The following CLDN10 variants were observed in gnomAD, a reference collection of about 807,000 sequenced individuals.
CLDN10 encodes the protein claudin 10.
In CLDN10, 15 loss-of-function variants were observed where a neutral mutation model predicts 22.9. The ratio of observed to expected loss-of-function variants is 0.65; its 90% confidence interval spans 0.44 to 1.01. The LOEUF (loss-of-function observed/expected upper bound fraction) is 1.01. Among genes scored for constraint, CLDN10 ranks in the 50% least tolerant of loss-of-function variants. CLDN10 has a pLI of 0.00. For missense variants in CLDN10, 247 were observed against 287.8 expected (o/e 0.86, Z 1.03); for synonymous variants, 114 against 111.4 (o/e 1.02, Z -0.15).
intron 1 of CLDN10, among the ~76,000 whole-genome samples, chr13:95,463,630 G>A (rs1334033510): frequency 1.3e-5 from 2 of 151,768 alleles, no homozygotes; most frequent in African/African-American, 4.8e-5. Flanking sequence ...ACTGAGCCTG[G>A]CCTTAACTAT....
chr13:95,447,996 C>T (rs542903990), intron 1 of CLDN10, among the ~76,000 whole-genome samples: 3 of 152,248 alleles, frequency 2.0e-5, no homozygotes, highest in South Asian at 2.1e-4. Flanking sequence ...CCTGTGCCTG[C>T]GGCGAGAGGT....
chr13:95,497,709 A>G (rs1386857817), intron 1 of CLDN10, among the ~76,000 whole-genome samples: 4 of 152,218 alleles, frequency 2.6e-5, no homozygotes, highest in African/African-American at 9.6e-5. Context: ...CAGGCAAAGG[A>G]TTAGGGCCAG....
At chr13:95,537,356 G>A (rs947017452) in intron 1 of CLDN10, among the ~76,000 whole-genome samples, 5 of 152,100 alleles carry the variant, frequency 3.3e-5, no homozygotes, top group African/African-American at 1.2e-4. Flanking sequence ...CAGTATGCAC[G>A]GCTCTTCTTG....
intron 1 of CLDN10, among the ~76,000 whole-genome samples, chr13:95,555,638 A>C (rs1043566269): frequency 6.6e-6 from 1 of 152,156 alleles, no homozygotes; most frequent in Non-Finnish European, 1.5e-5. Context: ...TTTTTTGATG[A>C]CTTTCCTTCT....
chr13:95,524,984 T>A (rs1171416773), intron 1 of CLDN10, among the ~76,000 whole-genome samples: 1 of 151,738 alleles, frequency 6.6e-6, no homozygotes, highest in Non-Finnish European at 1.5e-5. Flanking sequence ...CTCGGCCTCC[T>A]GAGTAGCTGG....
chr13:95,486,794 C>T (rs1451041962), intron 1 of CLDN10, among the ~76,000 whole-genome samples: 1 of 152,238 alleles, frequency 6.6e-6, no homozygotes, highest in Non-Finnish European at 1.5e-5. Context: ...TGTGCCTCCA[C>T]CTGGCCACGT....
chr13:95,486,779 G>T (rs1366086318), intron 1 of CLDN10, among the ~76,000 whole-genome samples: 2 of 152,120 alleles, frequency 1.3e-5, no homozygotes, highest in Non-Finnish European at 2.9e-5. Flanking sequence ...CCTCTCAGTT[G>T]TGCATGTGCC....
chr13:95,473,046 A>G (rs1038067751), intron 1 of CLDN10, among the ~76,000 whole-genome samples: 1 of 150,760 alleles, frequency 6.6e-6, no homozygotes, highest in Non-Finnish European at 1.5e-5. Context: ...AGGCTGAGGT[A>G]GAAGGATTGT....
At chr13:95,441,189 T>A (rs1455802134) in intron 1 of CLDN10, among the ~76,000 whole-genome samples, 1 of 152,226 alleles carries the variant, frequency 6.6e-6, no homozygotes, top group Non-Finnish European at 1.5e-5. Flanking sequence ...CACCAAGTTC[T>A]AGAAAAGGGA....
intron 1 of CLDN10, among the ~76,000 whole-genome samples, chr13:95,439,917 C>CA (rs974097719): frequency 7.8e-6 from 1 of 128,932 alleles, no homozygotes; most frequent in Non-Finnish European, 1.8e-5. Context: ...AAAATATTAA[C>CA]CCTTTTTTTT....
intron 1 of CLDN10, among the ~76,000 whole-genome samples, chr13:95,508,769 G>C (rs116200718): frequency 0.016 from 2,476 of 152,324 alleles, 66 homozygotes; most frequent in African/African-American, 0.056. Context: ...AATTAGGTAA[G>C]TAATGAAGTA....
At chr13:95,568,664 G>C (rs1246509430) in intron 3 of CLDN10, among the ~76,000 whole-genome samples, 1 of 152,062 alleles carries the variant, frequency 6.6e-6, no homozygotes, top group Non-Finnish European at 1.5e-5. Flanking sequence ...TCCTAAACAA[G>C]ACCACAAGCA....
intron 1 of CLDN10, among the ~76,000 whole-genome samples, chr13:95,534,749 G>T (rs1373766290): frequency 1.3e-5 from 2 of 152,010 alleles, no homozygotes; most frequent in Admixed American, 1.3e-4. Flanking sequence ...CCTCTAAATG[G>T]CAATACATCT....
chr13:95,504,929 TAGA>T (rs771063196), intron 1 of CLDN10, among the ~76,000 whole-genome samples: 94 of 152,208 alleles, frequency 6.2e-4, no homozygotes, highest in Admixed American at 1.6e-3. Flanking sequence ...TTTCAAGAAG[TAGA>T]AGGAGACGTC....
At chr13:95,540,788 G>A (rs189075781) in intron 1 of CLDN10, among the ~76,000 whole-genome samples, 2 of 152,254 alleles carry the variant, frequency 1.3e-5, no homozygotes, top group Admixed American at 6.5e-5. Flanking sequence ...TTTGGGGGTT[G>A]GGGAGAGACA....
chr13:95,550,130 G>A (rs112213122), upstream of CLDN10, among the ~76,000 whole-genome samples: 51 of 152,286 alleles, frequency 3.3e-4, no homozygotes, highest in African/African-American at 1.2e-3. Flanking sequence ...GTGGCGATGC[G>A]GCAGAGAGAA....
intron 1 of CLDN10, among the ~76,000 whole-genome samples, chr13:95,500,899 A>G (rs994334480): frequency 2.0e-5 from 3 of 152,222 alleles, no homozygotes; most frequent in African/African-American, 7.2e-5. Flanking sequence ...CTGGGAAACA[A>G]AGAAAATTGA....
At chr13:95,470,799 G>A (rs1359406805) in intron 1 of CLDN10, among the ~76,000 whole-genome samples, 1 of 152,062 alleles carries the variant, frequency 6.6e-6, no homozygotes, top group Non-Finnish European at 1.5e-5. Flanking sequence ...TCCCACTCCG[G>A]GTTTATTAGT....
intron 1 of CLDN10, among the ~76,000 whole-genome samples, chr13:95,492,108 G>C (rs545265950): frequency 6.6e-6 from 1 of 152,098 alleles, no homozygotes; most frequent in Non-Finnish European, 1.5e-5. Flanking sequence ...CCTTAACTTC[G>C]GTGGTTTAAT....
Sources: allele counts gnomAD v4.1 joint callset (sites outside exome capture counted in the v4.1 genomes callset), GRCh38; gene constraint gnomAD v4.1.1; transcripts MANE v1.5; gene names NCBI Gene and HGNC (gene_info 2026-07-23, HGNC 2026-07-21).